Variants in ACSM3 observed in about 807,000 individuals in gnomAD.
The protein encoded by ACSM3 is acyl-coenzyme A synthetase ACSM3, mitochondrial.
In ACSM3, 61 loss-of-function variants were observed where a neutral mutation model predicts 74.1. That is an observed-to-expected ratio of 0.82 (90% CI 0.67 to 1.02). The LOEUF is 1.02. Among genes scored for constraint, ACSM3 ranks in the 50% least tolerant of loss-of-function variants. The probability of loss-of-function intolerance (pLI) is 0.00; values close to 1 mark genes in which losing one functional copy is unlikely to be tolerated. For missense variants in ACSM3, 660 were observed against 697.0 expected (o/e 0.95, Z 0.60); for synonymous variants, 213 against 241.5 (o/e 0.88, Z 1.09).
intron 9 of ACSM3, among the ~76,000 whole-genome samples, chr16:20,786,764 A>G (rs955402191): frequency 2.0e-5 from 3 of 152,212 alleles, no homozygotes; most frequent in African/African-American, 4.8e-5. Flanking sequence ...TTTTACAAAC[A>G]AGGCACAAAG....
At chr16:20,715,602 T>TCAAAA (rs912927520) in intron 1 of ACSM3, among the ~76,000 whole-genome samples, 16 of 141,748 alleles carry the variant, frequency 1.1e-4, no homozygotes, top group South Asian at 2.2e-4. Flanking sequence ...AGACTCCATC[T>TCAAAA]CAAAACAAAA....
At chr16:20,706,363 T>C (rs1013058432) in intron 1 of ACSM3, among the ~76,000 whole-genome samples, 1 of 152,204 alleles carries the variant, frequency 6.6e-6, no homozygotes, top group Non-Finnish European at 1.5e-5. Context: ...TTGTTCAAAT[T>C]ACCACTGACT....
intron 1 of ACSM3, chr16:20,738,087 C>G: frequency 1.2e-6 from 1 of 849,828 alleles, no homozygotes; most frequent in South Asian, 1.6e-5. Flanking sequence ...AATGAATCTA[C>G]CTAGTCATTC....
At position 20,718,585 on chromosome 16, in the gene ACSM3, A is replaced by G. The variant is rs1253959518; in HGVS notation, c.-189-31325A>G. 1.8e-5 allele frequency: 4 copies of G among 217,996 alleles called. No individual in the cohort carries two copies. The East Asian group carries it at 2.8e-4, about 15-fold the overall frequency. The allele number at this position is 217,996 out of a possible 1,614,324, so 13.5% of individuals were successfully genotyped here. A position where few individuals can be genotyped will look rare whatever the true frequency, so the allele number is the denominator to read the frequency against. ...AATCGATACTTCTCCTTGAATTGCT[A>G]TAAGATATTGCCAATTAATTGCTAC... On this transcript the variant is annotated intron_variant, in intron 1 of 3. Coordinates refer to the ACSM3 transcript ENST00000561584.
chr16:20,704,101 C>T (rs770679181), intron 1 of ACSM3, among the ~76,000 whole-genome samples: 2 of 152,130 alleles, frequency 1.3e-5, no homozygotes, highest in Non-Finnish European at 2.9e-5. Flanking sequence ...ACTCCATTTA[C>T]ACATATATTA....
chr16:20,681,886 G>A (rs2079453503), intron 1 of ACSM3: 1 of 168,688 alleles, frequency 5.9e-6, no homozygotes, highest in African/African-American at 2.4e-5. Context: ...CCTTTCCCAG[G>A]CATTGTGAAG....
chr16:20,741,481 G>GGGGGGGGGGGGGCCCCC, intron 1 of ACSM3: 15 of 1,308,402 alleles, frequency 1.1e-5, no homozygotes, highest in Non-Finnish European at 1.4e-5. Context: ...CTGGCAGCCG[G>GGGGGGGGGGGGGCCCCC]CCCGCCCGCC....
At chr16:20,742,099 A>C in intron 1 of ACSM3, 1 of 1,264,744 alleles carries the variant, frequency 7.9e-7, no homozygotes, top group Non-Finnish European at 1.0e-6. Flanking sequence ...CCTTCCCTAT[A>C]ATTCTGCCAG....
At chr16:20,738,851 A>G (rs2079892870) in intron 1 of ACSM3, 1 of 1,598,350 alleles carries the variant, frequency 6.3e-7, no homozygotes, top group South Asian at 1.1e-5. Flanking sequence ...ACAGGAAGAT[A>G]CCCAGATGTT....
At chr16:20,694,300 A>G (rs1188317938) in intron 1 of ACSM3, among the ~76,000 whole-genome samples, 1 of 152,222 alleles carries the variant, frequency 6.6e-6, no homozygotes, top group Non-Finnish European at 1.5e-5. Context: ...CCTTTGTTCT[A>G]TGTACTCTCC....
chr16:20,723,113 T>G (rs1287312106), intron 1 of ACSM3, among the ~76,000 whole-genome samples: 2 of 152,036 alleles, frequency 1.3e-5, no homozygotes, highest in Non-Finnish European at 2.9e-5. Context: ...AATTCCCACC[T>G]ATGAGTAAGA....
intron 1 of ACSM3, among the ~76,000 whole-genome samples, chr16:20,705,765 C>T (rs1567320222): frequency 6.6e-6 from 1 of 151,874 alleles, no homozygotes; most frequent in Non-Finnish European, 1.5e-5. Context: ...ATGAAGAAAA[C>T]TAAAGACTCA....
At chr16:20,723,727 G>A (rs570995132) in intron 1 of ACSM3, among the ~76,000 whole-genome samples, 1 of 152,128 alleles carries the variant, frequency 6.6e-6, no homozygotes, top group African/African-American at 2.4e-5. Flanking sequence ...TTTTTGATGG[G>A]GTTGTTTTTT....
intron 1 of ACSM3, chr16:20,749,119 T>G (rs1014718327): frequency 6.6e-6 from 1 of 152,038 alleles, no homozygotes; most frequent in Non-Finnish European, 1.5e-5. Context: ...ATGAACTAAC[T>G]TATGTTTTAA....
At chr16:20,685,310 G>A (rs781663328) in intron 1 of ACSM3, 19 of 1,614,150 alleles carry the variant, frequency 1.2e-5, no homozygotes, top group East Asian at 4.5e-5. Context: ...GCTACACGGC[G>A]GGTTAGGTCT....
intron 1 of ACSM3, chr16:20,733,600 T>G (rs921418722): frequency 6.6e-6 from 1 of 151,940 alleles, no homozygotes; most frequent in African/African-American, 2.4e-5. Flanking sequence ...TTATGATATA[T>G]ATATACTATA....
intron 1 of ACSM3, among the ~76,000 whole-genome samples, chr16:20,742,641 CAAAAAAAA>C (rs35133233): frequency 7.7e-6 from 1 of 129,716 alleles, no homozygotes; most frequent in African/African-American, 3.0e-5. Context: ...GGCTCTGTCT[CAAAAAAAA>C]AAAAAAAATG....
intron 1 of ACSM3, chr16:20,741,521 A>G: frequency 1.0e-6 from 1 of 952,592 alleles, no homozygotes. Context: ...TTTCTGGCCC[A>G]TACATGTCGT....
At chr16:20,782,677 A>G (rs1031089015) in intron 7 of ACSM3, among the ~76,000 whole-genome samples, 3 of 152,200 alleles carry the variant, frequency 2.0e-5, no homozygotes. Flanking sequence ...CTCAAATGCT[A>G]ATCACAAGTC....
Sources: allele counts gnomAD v4.1 joint callset (sites outside exome capture counted in the v4.1 genomes callset), GRCh38; gene constraint gnomAD v4.1.1; transcripts MANE v1.5; gene names NCBI Gene and HGNC (gene_info 2026-07-23, HGNC 2026-07-21).